NINJ2: variants seen among roughly 807,000 people sequenced by gnomAD.
NINJ2 encodes ninjurin 2.
In NINJ2, 12 loss-of-function variants were observed where a neutral mutation model predicts 11.7. The ratio of observed to expected loss-of-function variants is 1.02; its 90% CI spans 0.66 to 1.66. NINJ2 has a LOEUF of 1.66. NINJ2 is among the 40% of genes most tolerant of loss of function. The pLI, the probability that NINJ2 is intolerant of heterozygous loss-of-function variation, is 0.00. For missense variants in NINJ2, 187 were observed against 181.8 expected, an observed-to-expected ratio of 1.03 and a Z score of -0.16; for synonymous variants, 93 against 76.8, an observed-to-expected ratio of 1.21 and a Z score of -1.10.
At chr12:645,518 AATT>A (rs754483626) in intron 1 of NINJ2, 4 of 152,206 alleles carry the variant, frequency 2.6e-5, no homozygotes, top group Admixed American at 6.5e-5. Context: ...CTGAGATAAA[AATT>A]ATTATCCTCA....
rs1245616164 is a variant in NINJ2, at chr12:614,672, CACTT to C, written c.34-48498_34-48495del. ...CTGCTTCCCTCTTATCCAGAGAAGT[CACTT>C]AGTTAGCTCATTTTTTTTTCCTCCA... On this transcript the variant is annotated intron_variant, in intron 1 of 3. Coordinates refer to ENST00000305108, the MANE Select transcript of NINJ2 (RefSeq NM_016533.6). This position sits in a 1 kb window ranked among gnomAD's most constrained non-coding sequence, Gnocchi z 5.1. 2.0e-5 allele frequency among the ~76,000 whole-genome samples: 3 copies of C among 152,142 alleles called. No individual in the cohort carries two copies. Among genetic ancestry groups the C allele is most frequent in the Non-Finnish European group, 4.4e-5 (3 of 68,034 alleles).
chr12:587,610 G>A (rs148365130), intron 1 of NINJ2, among the ~76,000 whole-genome samples: 15 of 152,296 alleles, frequency 9.8e-5, no homozygotes, highest in Admixed American at 3.3e-4. Flanking sequence ...CCCGATGCTT[G>A]TGGTCTGGCC....
chr12:604,752 A>G (rs1386680971), intron 1 of NINJ2, among the ~76,000 whole-genome samples: 3 of 152,198 alleles, frequency 2.0e-5, no homozygotes, highest in African/African-American at 7.2e-5. Context: ...CAAGGGAGGT[A>G]GGGACGAGGT....
chr12:659,813 TA>T (rs1279613256), intron 1 of NINJ2, among the ~76,000 whole-genome samples: 40 of 152,160 alleles, frequency 2.6e-4, no homozygotes, highest in African/African-American at 9.7e-4. Context: ...CTCAGTGCAG[TA>T]GTAGGTGCGG....
intron 1 of NINJ2, among the ~76,000 whole-genome samples, chr12:575,552 C>T (rs865905647): frequency 3.9e-5 from 6 of 152,240 alleles, no homozygotes; most frequent in African/African-American, 7.2e-5. Flanking sequence ...GAAAGAAGGT[C>T]GCCTGCTCCC....
At chr12:574,232 TAAATA>T (rs1947420117) in intron 1 of NINJ2, among the ~76,000 whole-genome samples, 1 of 151,784 alleles carries the variant, frequency 6.6e-6, no homozygotes, top group African/African-American at 2.4e-5. Flanking sequence ...CTAAAATAAA[TAAATA>T]AATAGGCCAG....
rs1948067595 is a variant in NINJ2, at chr12:614,307, T to C, written c.34-48129A>G. The stretch of plus-strand genomic sequence containing the variant: ...ACTTCTTGCATTCGGCTGAATATTC[T>C]AGACTGCATGAGGGAGAGGACTGTG... On this transcript the variant is annotated intron_variant, in intron 1 of 3. Transcript: ENST00000305108. The surrounding 1 kb of genome is among the most constrained non-coding windows in gnomAD (Gnocchi z 5.1). Among the ~76,000 whole-genome samples the C allele has an allele frequency of 6.6e-6, 1 of 152,250 alleles. No homozygotes were observed. The highest frequency in any genetic ancestry group is 1.5e-5 in the Non-Finnish European group (1 of 68,042).
intron 1 of NINJ2, among the ~76,000 whole-genome samples, chr12:570,514 G>GC (rs1474786414): frequency 6.6e-6 from 1 of 152,222 alleles, no homozygotes; most frequent in Non-Finnish European, 1.5e-5. Context: ...CAGCAGGGTG[G>GC]CCCCCGCTCC....
intron 1 of NINJ2, among the ~76,000 whole-genome samples, chr12:602,858 G>T (rs1237598726): frequency 6.6e-6 from 1 of 151,992 alleles, no homozygotes; most frequent in Non-Finnish European, 1.5e-5. Flanking sequence ...TTTGAGACAG[G>T]GTCTCACTCT....
chr12:622,054 G>A (rs987901895), intron 1 of NINJ2, among the ~76,000 whole-genome samples: 55 of 150,796 alleles, frequency 3.6e-4, no homozygotes, highest in African/African-American at 1.2e-3. Context: ...CCTGGGAGGC[G>A]GAGGCTGCAG....
intron 1 of NINJ2, among the ~76,000 whole-genome samples, chr12:617,266 T>C (rs78028551): frequency 0.022 from 3,391 of 152,242 alleles, 164 homozygotes; most frequent in East Asian, 0.11. Context: ...AGCGAAGTTG[T>C]TGTAGTAAAG....
At chr12:594,698 GCT>G (rs1947759755) in intron 1 of NINJ2, among the ~76,000 whole-genome samples, 1 of 151,990 alleles carries the variant, frequency 6.6e-6, no homozygotes, top group Non-Finnish European at 1.5e-5. Flanking sequence ...TAAATAGAGA[GCT>G]ATTCTATGTT....
chr12:618,196 T>C (rs1382475474), intron 1 of NINJ2, among the ~76,000 whole-genome samples: 1 of 143,118 alleles, frequency 7.0e-6, no homozygotes, highest in Non-Finnish European at 1.5e-5. Context: ...AAAAGTCCCG[T>C]GGAGAGTTGG....
At position 638,658 on chromosome 12, in the gene NINJ2, G is replaced by A. The variant is rs142718846; in HGVS notation, c.33+24670C>T. Among the ~76,000 whole-genome samples the A allele has an allele frequency of 4.2e-3, 641 of 152,234 alleles. 31 individuals carry two copies. The East Asian group carries it at 0.1, about 24-fold the overall frequency. ...TCTTGATGTCCTGACCTCGTGATCC[G>A]CCCGCCTCGGCCTCCCAAAGTGCTG... is the stretch of plus-strand genomic sequence containing the variant. On this transcript the variant is annotated intron_variant, in intron 1 of 3. Coordinates refer to ENST00000305108, the MANE Select transcript of NINJ2 (RefSeq NM_016533.6).
chr12:566,036 G>T lies in NINJ2; in HGVS notation c.176C>A (p.Ser59Tyr). The T allele has an allele frequency of 6.2e-7, 1 of 1,614,206 alleles. No homozygotes were observed. The highest frequency in any genetic ancestry group is 1.1e-5 in the South Asian group (1 of 91,086). The change falls in exon 2 of 4, where the codon TCC (serine) becomes TAC (tyrosine). Residue 59 changes from serine to tyrosine, a missense_variant. Coordinates refer to ENST00000305108, the MANE Select transcript of NINJ2 (RefSeq NM_016533.6). ...RLKAVLEQGPSSHYYTTLVTL... is the reference protein window; with the variant it reads ...RLKAVLEQGPYSHYYTTLVTL... The stretch of plus-strand genomic sequence containing the variant: ...GACCAGGGTGGTGTAGTAGTGAGAG[G>T]ATGGTCCCTGCTCCAGCACCGCCTT...
Position 581,353 on chromosome 12 carries a change from G to C in NINJ2, c.34-15175C>G, listed in dbSNP as rs184703487. 6.6e-5 allele frequency among the ~76,000 whole-genome samples: 10 copies of C among 152,246 alleles called. No individual in the cohort carries two copies. The highest frequency in any genetic ancestry group is 1.2e-4 in the Non-Finnish European group (8 of 67,992). The stretch of plus-strand genomic sequence containing the variant: ...AGGAGGTCAAGATAGAGAAGTCCCT[G>C]AGCACTGAGTCTGGGGATCAAAGCC... On this transcript the variant is annotated intron_variant, in intron 1 of 3. Transcript: ENST00000305108. The surrounding 1 kb of genome is among the most constrained non-coding windows in gnomAD (Gnocchi z 4.9).
chr12:603,710 G>C (rs1004712861), intron 1 of NINJ2, among the ~76,000 whole-genome samples: 2 of 151,748 alleles, frequency 1.3e-5, no homozygotes, highest in Admixed American at 1.3e-4. Context: ...ACCCAGGCTG[G>C]AGTATAGTGG....
At chr12:648,761 C>G in intron 1 of NINJ2, among the ~76,000 whole-genome samples, 1 of 152,200 alleles carries the variant, frequency 6.6e-6, no homozygotes, top group East Asian at 1.9e-4. Flanking sequence ...CTGATTCCAA[C>G]CTACCATTAC....
intron 1 of NINJ2, among the ~76,000 whole-genome samples, chr12:613,667 A>G (rs1948059418): frequency 6.6e-6 from 1 of 152,172 alleles, no homozygotes; most frequent in Admixed American, 6.5e-5. Flanking sequence ...GCACTTTGGG[A>G]GGCTGAGGCG....
Sources: gnomAD v4.1 joint callset for allele counts (sites outside exome capture counted in the v4.1 genomes callset) on GRCh38, gnomAD v4.1.1 for gene constraint, Gnocchi (gnomAD v3.1) non-coding constraint, MANE v1.5 for transcripts, NCBI Gene and HGNC (gene_info 2026-07-23, HGNC 2026-07-21) for gene names.